CMTR1: variants seen among roughly 807,000 people sequenced by gnomAD.
The protein encoded by CMTR1 is cap methyltransferase 1.
A neutral mutation model predicts 107.0 loss-of-function variants in CMTR1; 39 were observed. That is an observed-to-expected ratio of 0.36 (90% CI 0.28 to 0.48). The LOEUF (loss-of-function observed/expected upper bound fraction) is 0.48. CMTR1 is among the 20% of genes least tolerant of loss of function. The probability of loss-of-function intolerance (pLI) is 0.99; values close to 1 mark genes in which losing one functional copy is unlikely to be tolerated. For synonymous variants in CMTR1, 366 were observed against 379.5 expected (o/e 0.96, Z 0.41); for missense variants, 672 against 1,064.9 (o/e 0.63, Z 5.14).
intron 3 of CMTR1, among the ~76,000 whole-genome samples, chr6:37,444,941 G>T (rs1243420122): frequency 1.3e-5 from 2 of 152,262 alleles, no homozygotes; most frequent in South Asian, 2.1e-4. Context: ...CAGGAGAATC[G>T]CTTGAACCTG....
At chr6:37,460,668 G>A (rs1479520887) in intron 10 of CMTR1, among the ~76,000 whole-genome samples, 1 of 152,002 alleles carries the variant, frequency 6.6e-6, no homozygotes, top group African/African-American at 2.4e-5. Flanking sequence ...GGACACCTGG[G>A]GCGTGTTTAA....
At chr6:37,466,816 T>G (rs1344472753) in intron 13 of CMTR1, among the ~76,000 whole-genome samples, 1 of 152,200 alleles carries the variant, frequency 6.6e-6, no homozygotes, top group Non-Finnish European at 1.5e-5. Context: ...AGGATGGGTT[T>G]TTCTATTTCT....
At chr6:37,466,111 T>G (rs1282854257) in intron 13 of CMTR1, among the ~76,000 whole-genome samples, 5 of 124,694 alleles carry the variant, frequency 4.0e-5, no homozygotes, top group Admixed American at 7.4e-5. Flanking sequence ...TTTTACAGTT[T>G]TTGTTTTTTT....
rs1761842559 is a variant in CMTR1 at position 37,480,988 on chromosome 6, G to T, written c.*843G>T. 3.1e-6 allele frequency: 4 copies of T among 1,296,032 alleles called. No individual in the cohort carries two copies. The highest frequency in any genetic ancestry group is 1.3e-5 in the South Asian group (1 of 79,930). 80.3% of individuals were successfully genotyped at this position (1,296,032 alleles called of 1,614,324 possible). On this transcript the variant is annotated 3_prime_UTR_variant, in exon 24 of 24. Coordinates refer to ENST00000373451, the MANE Select transcript of CMTR1 (RefSeq NM_015050.3). Reference sequence around the variant, plus strand: ...CAGCAGTAACAAAGGGTACCTCCAGGGGTTTGGGTAGCGCTGCCCTCTGGC... The same window carrying T: ...CAGCAGTAACAAAGGGTACCTCCAGTGGTTTGGGTAGCGCTGCCCTCTGGC...
In CMTR1 at chr6:37,461,702, C is replaced by T. The variant is rs571581586; in HGVS notation, c.1192+57C>T. The T allele has an allele frequency of 8.5e-6, 10 of 1,175,952 alleles. No homozygotes were observed. In the African/African-American group the frequency reaches 1.1e-4, roughly 13 times the overall value. The allele number at this position is 1,175,952 out of a possible 1,614,324, so 72.8% of individuals were successfully genotyped here. A position where few individuals can be genotyped will look rare whatever the true frequency, so the allele number is the denominator to read the frequency against. ...GGACCCACTTAGAGGCCCTATTGGA[C>T]AAGAACATGTACAAGGGGTTGGTGG... On this transcript the variant is annotated intron_variant, in intron 11 of 23. Transcript: ENST00000373451.
At chr6:37,430,444 G>T (rs1469793863), upstream of CMTR1, among the ~76,000 whole-genome samples, 1 of 151,764 alleles carries the variant, frequency 6.6e-6, no homozygotes, top group East Asian at 1.9e-4. Flanking sequence ...TCATTTGTCA[G>T]ATATATGTAT....
In CMTR1 at chr6:37,479,170, A is replaced by C; in HGVS notation, c.2290A>C (p.Lys764Gln). ...VNEPWTMGFS[K>Q]SFKKKFFYNK... ...AGAGCCCTGGACTATGGGATTCAGC[A>C]AAAGCTTCAAGAAGAAGTTCTTCTA... Residue 764 changes from lysine (K) to glutamine (Q), a missense_variant, in exon 23 of 24, where the codon AAA (lysine) becomes CAA (glutamine). Transcript: ENST00000373451. 6.2e-7 allele frequency: 1 copy of C among 1,614,106 alleles called. No homozygotes were observed. The highest frequency in any genetic ancestry group is 2.2e-5 in the East Asian group (1 of 44,884).
upstream of CMTR1, among the ~76,000 whole-genome samples, chr6:37,433,066 C>T (rs1034684463): frequency 3.3e-5 from 5 of 152,268 alleles, no homozygotes; most frequent in African/African-American, 7.2e-5. Flanking sequence ...CTTTTGCAGC[C>T]TTTTCCGGGC....
chr6:37,429,788 A>G (rs1159714980), upstream of CMTR1, among the ~76,000 whole-genome samples: 2 of 152,170 alleles, frequency 1.3e-5, no homozygotes, highest in Non-Finnish European at 2.9e-5. Flanking sequence ...AAATACATAA[A>G]TTAGCCAGGC....
At chr6:37,440,379 C>T (rs1016680177) in intron 2 of CMTR1, among the ~76,000 whole-genome samples, 1 of 152,178 alleles carries the variant, frequency 6.6e-6, no homozygotes, top group African/African-American at 2.4e-5. Flanking sequence ...AGAGTAGCCT[C>T]AAAGGCCCCT....
chr6:37,461,747 T>C, intron 11 of CMTR1, 102 bp downstream of exon 11: 1 of 903,998 alleles, frequency 1.1e-6, no homozygotes, highest in Non-Finnish European at 1.7e-6. Context: ...AAAAATCTGC[T>C]TATATTAGAG....
At chr6:37,432,065 G>A (rs1202073008), upstream of CMTR1, among the ~76,000 whole-genome samples, 4 of 152,148 alleles carry the variant, frequency 2.6e-5, no homozygotes, top group African/African-American at 9.7e-5. Context: ...TGATCCATCC[G>A]CCTCAGCCTC....
chr6:37,471,615 A>G (rs1581751150), intron 14 of CMTR1, among the ~76,000 whole-genome samples: 1 of 152,098 alleles, frequency 6.6e-6, no homozygotes. Flanking sequence ...CTCCTTTCCC[A>G]TTGTGGTGAG....
At chr6:37,478,891 G>A (rs990579224) in intron 22 of CMTR1, among the ~76,000 whole-genome samples, 1 of 152,200 alleles carries the variant, frequency 6.6e-6, no homozygotes, top group African/African-American at 2.4e-5. Context: ...TCCTACATCT[G>A]TCAGAGTCCT....
intron 2 of CMTR1, 21 bp from the exon 3 acceptor site, chr6:37,443,978 A>G: frequency 1.9e-6 from 3 of 1,610,694 alleles, no homozygotes; most frequent in South Asian, 1.1e-5. Context: ...CTACCTAAAC[A>G]TTTTCCTTTT....
At position 37,472,534 on chromosome 6, in the gene CMTR1, C is replaced by T; in HGVS notation, c.1689+47C>T. ...GACATAAAAAGTTAGAGATCTGTCT[C>T]TAGATGTGGATGGTATCACTGAGGC... On this transcript the variant is annotated intron_variant, in intron 16 of 23. Transcript: ENST00000373451. The surrounding 1 kb of genome is among the most constrained non-coding windows in gnomAD (Gnocchi z 4.1). The T allele has an allele frequency of 6.4e-7, 1 of 1,572,178 alleles. No homozygotes were observed. The highest frequency in any genetic ancestry group is 8.8e-7 in the Non-Finnish European group (1 of 1,142,114).
At chr6:37,462,778 G>A (rs1464380434) in intron 12 of CMTR1, 51 bp from the exon 13 acceptor site, 5 of 1,562,486 alleles carry the variant, frequency 3.2e-6, no homozygotes, top group South Asian at 2.2e-5. Flanking sequence ...GAAAAGGAAT[G>A]TATGGGGAGG....
intron 1 of CMTR1, among the ~76,000 whole-genome samples, chr6:37,435,124 C>T (rs991649096): frequency 8.5e-5 from 13 of 152,110 alleles, no homozygotes; most frequent in African/African-American, 3.1e-4. Flanking sequence ...AAACCAAAAC[C>T]AGTATTTTTA....
chr6:37,430,744 T>C (rs1196033044), upstream of CMTR1, among the ~76,000 whole-genome samples: 1 of 152,152 alleles, frequency 6.6e-6, no homozygotes, highest in East Asian at 1.9e-4. Context: ...GCCGAGCACG[T>C]TGGCTCACGC....
Sources: allele counts gnomAD v4.1 joint callset (sites outside exome capture counted in the v4.1 genomes callset), GRCh38; gene constraint gnomAD v4.1.1; non-coding constraint Gnocchi (gnomAD v3.1); transcripts MANE v1.5; gene names NCBI Gene and HGNC (gene_info 2026-07-23, HGNC 2026-07-21).